The following GALNTL6 variants were observed in gnomAD, a reference collection of about 807,000 sequenced individuals.
The protein encoded by GALNTL6 is polypeptide N-acetylgalactosaminyltransferase-like 6.
A neutral mutation model predicts 73.7 loss-of-function variants in GALNTL6; 46 were observed. The observed-to-expected ratio is 0.62, with a 90% CI of 0.49 to 0.80. The LOEUF is 0.80. GALNTL6 is among the 30% of genes least tolerant of loss of function. The probability of loss-of-function intolerance (pLI) is 0.00; values close to 1 mark genes in which losing one functional copy is unlikely to be tolerated. For missense variants in GALNTL6, 604 were observed against 755.0 expected (o/e 0.80, Z 2.34); for synonymous variants, 259 against 263.7 (o/e 0.98, Z 0.17).
chr4:172,202,197 G>A (rs972441025), intron 2 of GALNTL6, among the ~76,000 whole-genome samples: 3 of 152,150 alleles, frequency 2.0e-5, no homozygotes, highest in African/African-American at 7.2e-5. Flanking sequence ...TTTAAAATTT[G>A]CCAGTTTCTT....
Position 173,040,094 on chromosome 4 carries a change from C to A in GALNTL6, c.1800C>A (p.Asn600Lys), listed in dbSNP as rs757674876. 4.4e-6 allele frequency: 7 copies of A among 1,608,442 alleles called. No individual in the cohort carries two copies. In the Admixed American group the frequency reaches 6.7e-5, roughly 15 times the overall value. ...TAGAAAAATTTAACCACCATGCCAA[C>A]TCCTAGAAAGAAGAAAGGAAGAAAG... ...TVLEKFNHHA[N>K]S is the part of the protein sequence containing the mutation. The change falls in exon 13 of 13, where the codon AAC (asparagine) becomes AAA (lysine). Residue 600 changes from asparagine (N) to lysine (K), a missense_variant. Around this residue, in one of 5 missense-constraint regions of GALNTL6, gnomAD observed 261 missense variants for 296.5 expected, o/e 0.88. Coordinates refer to ENST00000506823, the MANE Select transcript of GALNTL6 (RefSeq NM_001034845.3).
At chr4:172,219,203 AT>A (rs1736594745) in intron 2 of GALNTL6, among the ~76,000 whole-genome samples, 1 of 140,864 alleles carries the variant, frequency 7.1e-6, no homozygotes, top group Non-Finnish European at 1.6e-5. Context: ...GCAAGTGTAT[AT>A]ATATATATAT....
At chr4:172,764,569 AAAAC>A (rs2110839198) in intron 5 of GALNTL6, among the ~76,000 whole-genome samples, 1 of 151,342 alleles carries the variant, frequency 6.6e-6, no homozygotes, top group African/African-American at 2.4e-5. Context: ...TAAAAGTAAA[AAAAC>A]AAAAAACTCT....
intron 8 of GALNTL6, among the ~76,000 whole-genome samples, chr4:172,886,300 C>A (rs1276298387): frequency 1.3e-5 from 2 of 152,168 alleles, no homozygotes; most frequent in East Asian, 3.8e-4. Context: ...TTATCTACTT[C>A]TTCTAGGTTT....
chr4:171,930,213 G>T (rs1402952518), intron 2 of GALNTL6, among the ~76,000 whole-genome samples: 2 of 152,220 alleles, frequency 1.3e-5, no homozygotes, highest in African/African-American at 4.8e-5. Flanking sequence ...TACATGCCCA[G>T]TCCAACAATC....
At chr4:172,893,587 A>G (rs2111220047) in intron 8 of GALNTL6, among the ~76,000 whole-genome samples, 2 of 152,314 alleles carry the variant, frequency 1.3e-5, no homozygotes, top group South Asian at 4.1e-4. Context: ...CCAGGCAGGC[A>G]GTCTTGGGAA....
intron 5 of GALNTL6, among the ~76,000 whole-genome samples, chr4:172,719,039 A>G (rs894544715): frequency 6.6e-6 from 1 of 152,250 alleles, no homozygotes; most frequent in Admixed American, 6.5e-5. Context: ...GCAAATGGCC[A>G]GACACCTTTC....
chr4:172,209,383 A>G (rs1405142838), intron 2 of GALNTL6, among the ~76,000 whole-genome samples: 1 of 151,696 alleles, frequency 6.6e-6, no homozygotes, highest in Admixed American at 6.6e-5. Context: ...CTAAGACTCT[A>G]TTTGAAGAAT....
At position 172,776,946 on chromosome 4, in the gene GALNTL6, A is replaced by G. The variant is rs550350398; in HGVS notation, c.554-32415A>G. 5.3e-5 allele frequency among the ~76,000 whole-genome samples: 8 copies of G among 152,314 alleles called. No homozygotes were observed. In the South Asian group the frequency reaches 1.5e-3, roughly 28 times the overall value. ...TCTACTATAGTGGATTGGGATATAAATGAAAGGAAAAATTAAGAAATACCA... is the reference window on the plus strand; with the variant it reads ...TCTACTATAGTGGATTGGGATATAAGTGAAAGGAAAAATTAAGAAATACCA... On this transcript the variant is annotated intron_variant, in intron 5 of 12. Transcript: ENST00000506823.
chr4:171,871,100 A>C (rs1736122173), intron 2 of GALNTL6, among the ~76,000 whole-genome samples: 1 of 152,200 alleles, frequency 6.6e-6, no homozygotes, highest in East Asian at 1.9e-4. Context: ...AAAATAGTGA[A>C]CAACTACATT....
At chr4:172,304,786 T>C (rs555745588) in intron 3 of GALNTL6, among the ~76,000 whole-genome samples, 1 of 152,294 alleles carries the variant, frequency 6.6e-6, no homozygotes, top group South Asian at 2.1e-4. Flanking sequence ...AAGTCTTGTC[T>C]GTACAAATTC....
chr4:171,995,371 G>C (rs978647632), intron 2 of GALNTL6, among the ~76,000 whole-genome samples: 6 of 151,934 alleles, frequency 3.9e-5, no homozygotes, highest in Non-Finnish European at 7.4e-5. Flanking sequence ...GTGAGCAAAA[G>C]ATGCAGCCTA....
chr4:172,882,748 AAC>A (rs758218491), intron 7 of GALNTL6, 40 bp from the exon 8 acceptor site: 1 of 1,226,120 alleles, frequency 8.2e-7, no homozygotes, highest in Non-Finnish European at 1.2e-6. Flanking sequence ...CATTGTCTGT[AAC>A]GTTCATAGTC....
At chr4:172,914,178 C>T (rs1181583839) in intron 8 of GALNTL6, among the ~76,000 whole-genome samples, 1 of 152,122 alleles carries the variant, frequency 6.6e-6, no homozygotes, top group Non-Finnish European at 1.5e-5. Flanking sequence ...AAATAAAAGC[C>T]TTTACAGACA....
Position 171,911,637 on chromosome 4 carries a change from G to A in GALNTL6, c.138+96919G>A, listed in dbSNP as rs116980357. Among the ~76,000 whole-genome samples the A allele has an allele frequency of 1.5e-3, 223 of 152,288 alleles. 1 individual carries two copies. The highest frequency in any genetic ancestry group is 9.8e-3 in the Admixed American group (150 of 15,294). ...GTTGTTTTGACATCCAGGGATATCA[G>A]TCAGGGAAAGAGGATAAGGAAAGTG... On this transcript the variant is annotated intron_variant, in intron 2 of 12. Transcript: ENST00000506823.
At chr4:172,828,713 A>T (rs1045110693) in intron 7 of GALNTL6, among the ~76,000 whole-genome samples, 2 of 152,232 alleles carry the variant, frequency 1.3e-5, no homozygotes, top group African/African-American at 2.4e-5. Flanking sequence ...TTAAAATATG[A>T]TAACTAAAAG....
Position 172,243,236 on chromosome 4 carries a change from C to CTCTCCCCTTCCT in GALNTL6, c.247+13474_247+13485dup, listed in dbSNP as rs1466094691. Among the ~76,000 whole-genome samples the CTCTCCCCTTCCT allele has an allele frequency of 2.6e-5, 4 of 152,238 alleles. No individual in the cohort carries two copies. In the South Asian group the frequency reaches 6.2e-4, roughly 24 times the overall value. ...TCTCATACATATCTTCACAAACCTA[C>CTCTCCCCTTCCT]TCTCCCCTTCCTTAAGGTCACCAGA... On this transcript the variant is annotated intron_variant, in intron 3 of 12. Transcript: ENST00000506823.
chr4:172,855,107 T>TAAAACA (rs949412784), intron 7 of GALNTL6, among the ~76,000 whole-genome samples: 13 of 146,656 alleles, frequency 8.9e-5, no homozygotes, highest in African/African-American at 3.3e-4. Flanking sequence ...ATGTTTTATT[T>TAAAACA]AAAACAAAAA....
At chr4:173,016,447 G>A (rs1311244315) in intron 11 of GALNTL6, among the ~76,000 whole-genome samples, 1 of 152,226 alleles carries the variant, frequency 6.6e-6, no homozygotes, top group Non-Finnish European at 1.5e-5. Flanking sequence ...CAAGGCCATG[G>A]AAGCCCACTT....
Sources: allele counts gnomAD v4.1 joint callset (sites outside exome capture counted in the v4.1 genomes callset), GRCh38; gene constraint gnomAD v4.1.1; regional missense constraint gnomAD v4.1.1; transcripts MANE v1.5; gene names NCBI Gene and HGNC (gene_info 2026-07-23, HGNC 2026-07-21).